EIF4ENIF1: variants seen among roughly 807,000 people sequenced by gnomAD.
EIF4ENIF1 encodes the protein eukaryotic translation initiation factor 4E nuclear import factor 1, also known as eukaryotic translation initiation factor 4E transporter.
In EIF4ENIF1, 23 loss-of-function variants were observed where a neutral mutation model predicts 110.5. The observed-to-expected ratio is 0.21, with a 90% CI of 0.15 to 0.29. EIF4ENIF1 has a LOEUF of 0.29. Among genes scored for constraint, EIF4ENIF1 ranks in the 10% least tolerant of loss-of-function variants. The pLI, the probability that EIF4ENIF1 is intolerant of heterozygous loss-of-function variation, is 1.00. For missense variants in EIF4ENIF1, 1,031 were observed against 1,221.1 expected (o/e 0.84, Z 2.32); for synonymous variants, 440 against 437.0 (o/e 1.01, Z -0.09).
intron 7 of EIF4ENIF1, among the ~76,000 whole-genome samples, chr22:31,456,798 G>T (rs986859738): frequency 5.9e-5 from 9 of 152,274 alleles, no homozygotes; most frequent in Middle Eastern, 3.4e-3. Context: ...GGGATTACAG[G>T]CATGAACCAC....
intron 7 of EIF4ENIF1, among the ~76,000 whole-genome samples, chr22:31,457,232 C>T (rs924419095): frequency 1.3e-5 from 2 of 152,152 alleles, no homozygotes; most frequent in African/African-American, 4.8e-5. Context: ...ATCCAACCTC[C>T]ATAGTTTACA....
chr22:31,473,329 C>T (rs2051455549), intron 2 of EIF4ENIF1, among the ~76,000 whole-genome samples: 1 of 152,130 alleles, frequency 6.6e-6, no homozygotes, highest in African/African-American at 2.4e-5. Flanking sequence ...TCTGCAGACC[C>T]AAGTTGAGAA....
At chr22:31,468,660 G>A (rs2051269834) in intron 3 of EIF4ENIF1, among the ~76,000 whole-genome samples, 1 of 152,144 alleles carries the variant, frequency 6.6e-6, no homozygotes, top group Admixed American at 6.5e-5. Flanking sequence ...TTCCCAAAGT[G>A]CTGGGATTAC....
At chr22:31,451,561 A>G (rs972071816) in intron 10 of EIF4ENIF1, among the ~76,000 whole-genome samples, 9 of 151,882 alleles carry the variant, frequency 5.9e-5, no homozygotes, top group African/African-American at 1.7e-4. Flanking sequence ...GGCATGAGCC[A>G]CCGCACCCGG....
At chr22:31,442,818 T>C (rs992362283) in intron 16 of EIF4ENIF1, 144 bp downstream of exon 16, 216 of 1,124,280 alleles carry the variant, frequency 1.9e-4, no homozygotes, top group Non-Finnish European at 2.4e-4. Context: ...CACAGAACCT[T>C]CTCACTGACA....
intron 6 of EIF4ENIF1, chr22:31,461,831 G>C (rs1422093638): frequency 6.6e-6 from 1 of 152,174 alleles, no homozygotes; most frequent in African/African-American, 2.4e-5. Context: ...GAAGCATCTT[G>C]CTTTACTCTT....
chr22:31,478,341 C>T (rs916766667), intron 2 of EIF4ENIF1, among the ~76,000 whole-genome samples: 3 of 147,854 alleles, frequency 2.0e-5, no homozygotes, highest in African/African-American at 4.9e-5. Context: ...GGTGAAACCA[C>T]GTCTCTACTA....
In EIF4ENIF1 at chr22:31,488,745, C is replaced by T; in HGVS notation, c.-27G>A. 6.3e-7 allele frequency: 1 copy of T among 1,599,292 alleles called. No individual in the cohort carries two copies. Among genetic ancestry groups the T allele is most frequent in the Non-Finnish European group, 8.5e-7 (1 of 1,174,144 alleles). The stretch of plus-strand genomic sequence containing the variant: ...GCTCCTTGGTCTACAATGCTCTGCA[C>T]CTGGAAGATAAATCGGCACAAAATT... On this transcript the variant is annotated splice_region_variant and 5_prime_UTR_variant, in exon 2 of 19. It adds an upstream start codon to the 5' untranslated region. Coordinates refer to ENST00000330125, the MANE Select transcript of EIF4ENIF1 (RefSeq NM_019843.4).
chr22:31,460,052 AT>A (rs1189822005), intron 6 of EIF4ENIF1, among the ~76,000 whole-genome samples: 1 of 152,226 alleles, frequency 6.6e-6, no homozygotes, highest in Non-Finnish European at 1.5e-5. Flanking sequence ...GTGGTGCTTT[AT>A]TGGGTGCTGC....
intron 7 of EIF4ENIF1, among the ~76,000 whole-genome samples, chr22:31,456,348 T>C (rs557924010): frequency 1.2e-3 from 181 of 150,714 alleles, no homozygotes; most frequent in East Asian, 5.4e-3. Context: ...CTCAGCCTCC[T>C]GAGTAGCTGG....
At chr22:31,456,476 G>A (rs1038972090) in intron 7 of EIF4ENIF1, among the ~76,000 whole-genome samples, 7 of 151,856 alleles carry the variant, frequency 4.6e-5, no homozygotes, top group Admixed American at 6.6e-5. Context: ...GCCCGCCTTG[G>A]CCTCCCAAAG....
At chr22:31,455,771 C>T in intron 8 of EIF4ENIF1, 81 bp downstream of exon 8, 3 of 1,570,302 alleles carry the variant, frequency 1.9e-6, no homozygotes, top group Non-Finnish European at 2.6e-6. Context: ...CTAATTGACT[C>T]CTGACTAATG....
chr22:31,462,748 T>C (rs977494908), intron 6 of EIF4ENIF1, among the ~76,000 whole-genome samples, 184 bp downstream of exon 6: 1 of 152,076 alleles, frequency 6.6e-6, no homozygotes, highest in Admixed American at 6.5e-5. Context: ...CACACCCCAC[T>C]AATTTTTGAA....
intron 10 of EIF4ENIF1, chr22:31,450,894 CA>C (rs1343246427): frequency 2.1e-5 from 3 of 142,842 alleles, no homozygotes; most frequent in East Asian, 2.0e-4. Context: ...CACACACACA[CA>C]AAAGAGACAG....
At chr22:31,464,274 T>C (rs2051097920) in intron 4 of EIF4ENIF1, 3 of 284,056 alleles carry the variant, frequency 1.1e-5, no homozygotes, top group African/African-American at 6.6e-5. Flanking sequence ...TTTTGTCAAC[T>C]AATAAACTAC....
chr22:31,465,570 G>A (rs1044267480), intron 4 of EIF4ENIF1, among the ~76,000 whole-genome samples: 4 of 152,184 alleles, frequency 2.6e-5, no homozygotes, highest in African/African-American at 9.7e-5. Context: ...TACACCACTG[G>A]TGGAAACGTA....
chr22:31,445,736 A>G (rs1303880094), intron 14 of EIF4ENIF1, among the ~76,000 whole-genome samples: 1 of 152,164 alleles, frequency 6.6e-6, no homozygotes, highest in Non-Finnish European at 1.5e-5. Flanking sequence ...ACAATAAATA[A>G]TATGCTAGAC....
upstream of EIF4ENIF1, chr22:31,490,042 G>A (rs1348531365): frequency 6.6e-6 from 1 of 152,302 alleles, no homozygotes; most frequent in Non-Finnish European, 1.5e-5. Flanking sequence ...AGGTGGTGGC[G>A]GCGAGGAGGA....
At chr22:31,485,834 G>A (rs2051997050) in intron 2 of EIF4ENIF1, among the ~76,000 whole-genome samples, 1 of 151,498 alleles carries the variant, frequency 6.6e-6, no homozygotes, top group Admixed American at 6.6e-5. Context: ...TACTGGAAGG[G>A]GCCAGGCTCG....
Sources: allele counts gnomAD v4.1 joint callset (sites outside exome capture counted in the v4.1 genomes callset), GRCh38; gene constraint gnomAD v4.1.1; transcripts MANE v1.5; gene names NCBI Gene and HGNC (gene_info 2026-07-23, HGNC 2026-07-21).